The following HIBCH variants were observed in gnomAD, a reference collection of about 807,000 sequenced individuals.
HIBCH encodes 3-hydroxyisobutyryl-CoA hydrolase, also known as 3-hydroxyisobutyryl-CoA hydrolase, mitochondrial.
A neutral mutation model predicts 58.2 loss-of-function variants in HIBCH; 50 were observed. The ratio of observed to expected loss-of-function variants is 0.86; its 90% CI spans 0.68 to 1.09. The LOEUF (loss-of-function observed/expected upper bound fraction) is 1.09. HIBCH is among the 50% of genes least tolerant of loss of function. The pLI is 0.00. For synonymous variants in HIBCH, 151 were observed against 146.9 expected, an observed-to-expected ratio of 1.03 and a Z score of -0.20; for missense variants, 450 against 449.7, an observed-to-expected ratio of 1.00 and a Z score of -0.01.
At chr2:190,277,735 C>T (rs956062719) in intron 6 of HIBCH, among the ~76,000 whole-genome samples, 20 of 152,320 alleles carry the variant, frequency 1.3e-4, no homozygotes, top group Non-Finnish European at 2.4e-4. Flanking sequence ...GATCAGACCA[C>T]ACCCACAGAG....
chr2:190,270,648 C>A (rs971152533), intron 6 of HIBCH, among the ~76,000 whole-genome samples: 45 of 152,252 alleles, frequency 3.0e-4, no homozygotes, highest in Middle Eastern at 6.8e-3. Flanking sequence ...ATTTCAATTT[C>A]TTTTGTTAGA....
At chr2:190,291,993 T>C (rs190116221) in intron 4 of HIBCH, among the ~76,000 whole-genome samples, 33 of 151,300 alleles carry the variant, frequency 2.2e-4, no homozygotes, top group Non-Finnish European at 4.4e-5. Context: ...TTGTTTTTTG[T>C]TTGTTTTGAG....
chr2:190,199,177 T>A (rs2105888509), downstream of HIBCH, among the ~76,000 whole-genome samples: 1 of 152,310 alleles, frequency 6.6e-6, no homozygotes, highest in South Asian at 2.1e-4. Flanking sequence ...TTGATGTGCT[T>A]GTTTTGCTTG....
intron 7 of HIBCH, among the ~76,000 whole-genome samples, chr2:190,259,321 G>A (rs113498866): frequency 0.01 from 698 of 68,300 alleles, 5 homozygotes; most frequent in African/African-American, 0.047. Context: ...GTATACAGAT[G>A]TGTGTGTGTG....
chr2:190,205,276 A>C, intron 13 of HIBCH, 44 bp from the exon 14 acceptor site: 1 of 1,056,740 alleles, frequency 9.5e-7, no homozygotes, highest in East Asian at 2.4e-5. Flanking sequence ...ATTTTTGTCT[A>C]ATATTGCTAG....
At chr2:190,223,791 A>G (rs1288312711) in intron 11 of HIBCH, among the ~76,000 whole-genome samples, 1 of 152,212 alleles carries the variant, frequency 6.6e-6, no homozygotes, top group Non-Finnish European at 1.5e-5. Context: ...AAAAGAGAAC[A>G]CAGAAGATGG....
At chr2:190,269,992 G>A (rs1687344570) in intron 6 of HIBCH, among the ~76,000 whole-genome samples, 1 of 151,888 alleles carries the variant, frequency 6.6e-6, no homozygotes, top group African/African-American at 2.4e-5. Context: ...CCAAATGTAT[G>A]TTCTCATAAG....
intron 3 of HIBCH, among the ~76,000 whole-genome samples, chr2:190,295,254 T>C (rs1575756201): frequency 6.6e-6 from 1 of 152,206 alleles, no homozygotes. Flanking sequence ...TATCAATCTA[T>C]ACAGGTTGAG....
At chr2:190,250,741 T>C (rs187215948) in intron 8 of HIBCH, among the ~76,000 whole-genome samples, 1 of 152,302 alleles carries the variant, frequency 6.6e-6, no homozygotes, top group Non-Finnish European at 1.5e-5. Flanking sequence ...CATAACAGTT[T>C]ACAGAGACAA....
intron 11 of HIBCH, among the ~76,000 whole-genome samples, chr2:190,218,085 A>T (rs1685609571): frequency 6.8e-6 from 1 of 147,770 alleles, no homozygotes; most frequent in Non-Finnish European, 1.5e-5. Flanking sequence ...TAAAACCTCC[A>T]CCCCCACCCC....
At chr2:190,241,433 T>C (rs928311465) in intron 11 of HIBCH, among the ~76,000 whole-genome samples, 12 of 152,240 alleles carry the variant, frequency 7.9e-5, no homozygotes, top group African/African-American at 1.7e-4. Flanking sequence ...TGCTAGTCTG[T>C]GTCTTTTAAT....
rs762430240 is a variant in HIBCH, at chr2:190,296,897, G to A, written c.135C>T (p.Cys45=). ...GTCTGTTTAGTGTTATGACTCCCGT[G>A]CAACCTTTTTTTTCCAATAGCACCT... The part of the protein sequence containing the change: ...AEEVLLEKKG[C]TGVITLNRPK... Residue 45 remains cysteine (C), a synonymous_variant, in exon 3 of 14, where the codon TGC becomes TGT. Transcript: ENST00000359678. 8.7e-6 allele frequency: 14 copies of A among 1,613,358 alleles called. No homozygotes were observed. The highest frequency in any genetic ancestry group is 1.7e-5 in the Admixed American group (1 of 59,998).
chr2:190,244,931 T>C lies in HIBCH; in HGVS notation c.847A>G (p.Asn283Asp), dbSNP rs755975088. Residue 283 changes from asparagine (N) to aspartate (D), a missense_variant, in exon 11 of 14, where the codon AAC (asparagine) becomes GAC (aspartate). Coordinates refer to ENST00000359678, the MANE Select transcript of HIBCH (RefSeq NM_014362.4). ...SANTVEEIIENLQQDGSSFAL... is the reference protein window; with the variant it reads ...SANTVEEIIEDLQQDGSSFAL... Reference sequence around the variant, plus strand: ...AAAGATGAACCATCTTGCTGTAAGTTTTCAATAATTTCTTCCACAGTATTG... The same window carrying C: ...AAAGATGAACCATCTTGCTGTAAGTCTTCAATAATTTCTTCCACAGTATTG... The C allele has an allele frequency of 5.7e-5, 92 of 1,611,214 alleles. No individual in the cohort carries two copies. Among genetic ancestry groups the C allele is most frequent in the Non-Finnish European group, 7.1e-5 (84 of 1,177,488 alleles).
At chr2:190,258,593 G>C (rs1326855086) in intron 7 of HIBCH, among the ~76,000 whole-genome samples, 1 of 152,160 alleles carries the variant, frequency 6.6e-6, no homozygotes, top group Non-Finnish European at 1.5e-5. Context: ...GTGTAGCCTG[G>C]ATGTTGGATA....
intron 2 of HIBCH, among the ~76,000 whole-genome samples, chr2:190,309,976 C>A (rs1688516522): frequency 6.6e-6 from 1 of 152,118 alleles, no homozygotes; most frequent in African/African-American, 2.4e-5. Context: ...GAGAGGCAGA[C>A]CCACCCTCAG....
chr2:190,276,472 C>A (rs910525845), intron 6 of HIBCH, among the ~76,000 whole-genome samples: 8 of 152,158 alleles, frequency 5.3e-5, no homozygotes, highest in African/African-American at 1.4e-4. Flanking sequence ...AGAGTTGGGG[C>A]CAAATGGAAG....
At chr2:190,202,270 A>G (rs1690267704), downstream of HIBCH, 1 of 167,038 alleles carries the variant, frequency 6.0e-6, no homozygotes, top group Non-Finnish European at 1.5e-5. Flanking sequence ...TCACATTTTA[A>G]TAGAGTACAA....
intron 6 of HIBCH, among the ~76,000 whole-genome samples, chr2:190,268,545 G>C (rs1277381758): frequency 6.6e-6 from 1 of 152,154 alleles, no homozygotes; most frequent in Non-Finnish European, 1.5e-5. Context: ...AAGAAACCTA[G>C]CTAGATGAGT....
chr2:190,311,060 A>G, intron 1 of HIBCH: 2 of 632,330 alleles, frequency 3.2e-6, no homozygotes, highest in Non-Finnish European at 5.9e-6. Context: ...AGACAAACCA[A>G]TTTCAATACA....
Sources: allele counts gnomAD v4.1 joint callset (sites outside exome capture counted in the v4.1 genomes callset), GRCh38; gene constraint gnomAD v4.1.1; transcripts MANE v1.5; gene names NCBI Gene and HGNC (gene_info 2026-07-23, HGNC 2026-07-21).